PAK5: variants seen among roughly 807,000 people sequenced by gnomAD.
PAK5 encodes the protein serine/threonine-protein kinase PAK 5.
Under a neutral mutation model 65.9 loss-of-function variants are expected in PAK5, and 16 were observed. That is an observed-to-expected ratio of 0.24 (90% confidence interval 0.16 to 0.37). The LOEUF (loss-of-function observed/expected upper bound fraction) is 0.37, where lower values mean the gene tolerates loss of function less well. PAK5 is among the 10% of genes least tolerant of loss of function. The pLI, the probability that PAK5 is intolerant of heterozygous loss-of-function variation, is 1.00. For missense variants in PAK5, 785 were observed against 903.9 expected, an observed-to-expected ratio of 0.87 and a Z score of 1.69; for synonymous variants, 371 against 354.9, an observed-to-expected ratio of 1.05 and a Z score of -0.51.
At chr20:9,545,094 A>G (rs188888374) in intron 7 of PAK5, among the ~76,000 whole-genome samples, 19 of 152,282 alleles carry the variant, frequency 1.2e-4, no homozygotes, top group African/African-American at 4.3e-4. Flanking sequence ...GAATCTACCA[A>G]CATGAACATC....
At chr20:9,763,144 G>T (rs1454980263) in intron 1 of PAK5, among the ~76,000 whole-genome samples, 1 of 151,852 alleles carries the variant, frequency 6.6e-6, no homozygotes, top group Non-Finnish European at 1.5e-5. Flanking sequence ...ATGGTTAGAG[G>T]GTTCAAAGTT....
chr20:9,667,528 A>C (rs1049494112), intron 2 of PAK5, among the ~76,000 whole-genome samples: 1 of 152,064 alleles, frequency 6.6e-6, no homozygotes, highest in African/African-American at 2.4e-5. Flanking sequence ...ATCTGTTCCC[A>C]CCAAGGTCTA....
chr20:9,731,486 T>G (rs1010087568), intron 1 of PAK5, among the ~76,000 whole-genome samples: 2 of 152,162 alleles, frequency 1.3e-5, no homozygotes, highest in African/African-American at 2.4e-5. Flanking sequence ...CCACATGTGG[T>G]TAGTGGCTCC....
chr20:9,618,500 G>A (rs1411368094), intron 3 of PAK5, among the ~76,000 whole-genome samples: 1 of 147,786 alleles, frequency 6.8e-6, no homozygotes, highest in African/African-American at 2.5e-5. Context: ...TCTGCTTCCC[G>A]AGTTCAAGTA....
At chr20:9,789,478 G>C (rs2049027049) in intron 1 of PAK5, among the ~76,000 whole-genome samples, 2 of 151,978 alleles carry the variant, frequency 1.3e-5, no homozygotes, top group South Asian at 4.2e-4. Flanking sequence ...GAAAAAAAAA[G>C]TTTCCATTAA....
chr20:9,790,327 C>G (rs1170097392), intron 1 of PAK5, among the ~76,000 whole-genome samples: 1 of 151,704 alleles, frequency 6.6e-6, no homozygotes, highest in Non-Finnish European at 1.5e-5. Flanking sequence ...AGAGAGCAAA[C>G]AGTATAAAGG....
chr20:9,550,731 GGTGTGTGT>G (rs111410496), intron 7 of PAK5, among the ~76,000 whole-genome samples: 10 of 148,566 alleles, frequency 6.7e-5, no homozygotes, highest in South Asian at 4.3e-4. Flanking sequence ...CCATAATTGT[GGTGTGTGT>G]GTGTGTGTGT....
At chr20:9,772,285 G>GAT in intron 1 of PAK5, among the ~76,000 whole-genome samples, 1 of 152,190 alleles carries the variant, frequency 6.6e-6, no homozygotes, top group Middle Eastern at 3.2e-3. Flanking sequence ...GCTGGGGGAG[G>GAT]TATAATTGGA....
intron 2 of PAK5, among the ~76,000 whole-genome samples, chr20:9,683,246 T>A (rs1270127096): frequency 2.0e-5 from 3 of 152,232 alleles, no homozygotes; most frequent in African/African-American, 7.2e-5. Context: ...GAAAAATACA[T>A]GCCCCACAGT....
chr20:9,741,805 C>G (rs1459794683), intron 1 of PAK5, among the ~76,000 whole-genome samples: 1 of 151,718 alleles, frequency 6.6e-6, no homozygotes, highest in African/African-American at 2.4e-5. Flanking sequence ...CGAGGTCTTG[C>G]ATGGAATCTT....
chr20:9,659,272 T>C (rs2047311773), intron 2 of PAK5, among the ~76,000 whole-genome samples: 1 of 152,166 alleles, frequency 6.6e-6, no homozygotes, highest in Non-Finnish European at 1.5e-5. Context: ...AACTGATGCA[T>C]AGGAATTTCA....
At chr20:9,614,770 A>G (rs2046624920) in intron 3 of PAK5, among the ~76,000 whole-genome samples, 1 of 152,232 alleles carries the variant, frequency 6.6e-6, no homozygotes, top group Non-Finnish European at 1.5e-5. Context: ...GCTTTCTCAG[A>G]CAAACAAAAA....
intron 3 of PAK5, among the ~76,000 whole-genome samples, chr20:9,641,881 G>C (rs997505300): frequency 6.6e-6 from 1 of 152,168 alleles, no homozygotes; most frequent in Non-Finnish European, 1.5e-5. Context: ...TGGGTGCTCC[G>C]AGTGCGGGGC....
chr20:9,636,464 AAGGAAG>A (rs1443715564), intron 3 of PAK5, among the ~76,000 whole-genome samples: 1 of 152,198 alleles, frequency 6.6e-6, no homozygotes, highest in Non-Finnish European at 1.5e-5. Context: ...GTCGATAAAA[AAGGAAG>A]AGACAGAACC....
chr20:9,559,761 CA>C (rs906507714), intron 6 of PAK5, among the ~76,000 whole-genome samples: 51 of 140,310 alleles, frequency 3.6e-4, no homozygotes, highest in Admixed American at 4.3e-4. Flanking sequence ...GGCTCTGTTT[CA>C]AAAAAAAAAA....
At chr20:9,795,678 A>T (rs2049096799) in intron 1 of PAK5, among the ~76,000 whole-genome samples, 2 of 152,144 alleles carry the variant, frequency 1.3e-5, no homozygotes, top group African/African-American at 4.8e-5. Flanking sequence ...GGAGGATGTT[A>T]TAAAAGGAAT....
At chr20:9,754,301 G>A (rs1289381673) in intron 1 of PAK5, among the ~76,000 whole-genome samples, 2 of 152,080 alleles carry the variant, frequency 1.3e-5, no homozygotes, top group Non-Finnish European at 2.9e-5. Context: ...GTCTCCCCCA[G>A]AATTTGGAGA....
rs531896048 is a variant in PAK5 at position 9,715,597 on chromosome 20, G to A, written c.-161-4162C>T. ...TGCTGCTATAAAGACACATGCACAC[G>A]TATGTTTATTGCGGCACTATTCACA... is the stretch of plus-strand genomic sequence containing the variant. On this transcript the variant is annotated intron_variant, in intron 1 of 9. Coordinates refer to ENST00000353224, the MANE Select transcript of PAK5 (RefSeq NM_177990.4). Among the ~76,000 whole-genome samples the A allele has an allele frequency of 3.9e-4, 60 of 152,042 alleles. 1 individual carries two copies. Among genetic ancestry groups the A allele is most frequent in the African/African-American group, 1.4e-3 (59 of 41,430 alleles).
chr20:9,614,354 A>G (rs555576633), intron 3 of PAK5, among the ~76,000 whole-genome samples: 18 of 152,220 alleles, frequency 1.2e-4, no homozygotes, highest in Non-Finnish European at 2.5e-4. Flanking sequence ...GGACTGTGGG[A>G]TAATTAGAAA....
Sources: gnomAD v4.1 joint callset for allele counts (sites outside exome capture counted in the v4.1 genomes callset) on GRCh38, gnomAD v4.1.1 for gene constraint, MANE v1.5 for transcripts, NCBI Gene and HGNC (gene_info 2026-07-23, HGNC 2026-07-21) for gene names.